Variants in FHIT observed in about 807,000 individuals in gnomAD.
The protein encoded by FHIT is bis(5'-adenosyl)-triphosphatase.
Under a neutral mutation model 17.9 loss-of-function variants are expected in FHIT, and 19 were observed. The ratio of observed to expected loss-of-function variants is 1.06; its 90% confidence interval spans 0.74 to 1.56. The LOEUF is 1.56. Among genes scored for constraint, FHIT ranks in the 40% most tolerant of loss-of-function variants. The pLI, the probability that FHIT is intolerant of heterozygous loss-of-function variation, is 0.00. For synonymous variants in FHIT, 81 were observed against 69.7 expected (o/e 1.16, Z -0.81); for missense variants, 248 against 189.2 (o/e 1.31, Z -1.82).
intron 4 of FHIT, among the ~76,000 whole-genome samples, chr3:60,571,378 G>A (rs1389985623): frequency 2.4e-5 from 3 of 123,716 alleles, no homozygotes; most frequent in Non-Finnish European, 3.4e-5. Flanking sequence ...AATGAATGAC[G>A]TATTACCAAC....
chr3:60,121,711 C>CAA (rs71909078), intron 5 of FHIT, among the ~76,000 whole-genome samples: 5 of 71,598 alleles, frequency 7.0e-5, no homozygotes, highest in East Asian at 1.0e-3. Context: ...ACAAAACAAA[C>CAA]ACACACACAC....
chr3:60,374,918 T>A lies in FHIT; in HGVS notation c.103+161942A>T, dbSNP rs146752463. Among the ~76,000 whole-genome samples the A allele has an allele frequency of 2.7e-3, 403 of 152,034 alleles. 9 individuals are homozygous for A. In the South Asian group the frequency reaches 0.044, roughly 17 times the overall value. ...AGTTAACAGGATATTACAAAATAAA[T>A]TAAGAATAAGAAACAGGCCAAGTTA... On this transcript the variant is annotated intron_variant, in intron 5 of 9. Coordinates refer to ENST00000492590, the MANE Select transcript of FHIT (RefSeq NM_002012.4).
At chr3:60,549,233 T>G (rs764038408) in intron 4 of FHIT, among the ~76,000 whole-genome samples, 2 of 152,198 alleles carry the variant, frequency 1.3e-5, no homozygotes, top group Non-Finnish European at 2.9e-5. Context: ...AATCATGTAT[T>G]TGACACCATA....
intron 2 of FHIT, among the ~76,000 whole-genome samples, chr3:61,069,133 G>T (rs1004595939): frequency 6.6e-6 from 1 of 151,996 alleles, no homozygotes; most frequent in African/African-American, 2.4e-5. Context: ...TTTAAAATAC[G>T]AATGTCTGCT....
intron 3 of FHIT, among the ~76,000 whole-genome samples, chr3:60,834,781 C>T (rs1197323289): frequency 3.3e-5 from 5 of 151,100 alleles, no homozygotes; most frequent in African/African-American, 1.2e-4. Flanking sequence ...AGGAGAATTG[C>T]TTGAACCTGG....
chr3:59,996,432 C>T (rs1298317603), intron 7 of FHIT, among the ~76,000 whole-genome samples: 2 of 151,958 alleles, frequency 1.3e-5, no homozygotes, highest in African/African-American at 2.4e-5. Flanking sequence ...TCTAGCAGTC[C>T]ATGGGTAAGC....
At chr3:59,886,306 A>C (rs1703620668) in intron 8 of FHIT, 1 of 152,282 alleles carries the variant, frequency 6.6e-6, no homozygotes, top group Admixed American at 6.5e-5. Context: ...AGAGGAAAGA[A>C]CAAACTTCAC....
chr3:60,959,196 T>C (rs1207356235), intron 3 of FHIT, among the ~76,000 whole-genome samples: 1 of 152,204 alleles, frequency 6.6e-6, no homozygotes, highest in Non-Finnish European at 1.5e-5. Flanking sequence ...CAGACCTAGG[T>C]TGAAATTCTG....
At chr3:60,703,529 T>C (rs2041297332) in intron 4 of FHIT, among the ~76,000 whole-genome samples, 1 of 152,242 alleles carries the variant, frequency 6.6e-6, no homozygotes, top group Non-Finnish European at 1.5e-5. Context: ...CATTTTATCA[T>C]GTTTTCATAA....
At chr3:60,520,925 T>C (rs764033902) in intron 5 of FHIT, among the ~76,000 whole-genome samples, 1 of 152,056 alleles carries the variant, frequency 6.6e-6, no homozygotes, top group Non-Finnish European at 1.5e-5. Flanking sequence ...TGAGTTTGTT[T>C]GGTTGGGTTT....
At chr3:59,926,369 T>C (rs951583762) in intron 7 of FHIT, among the ~76,000 whole-genome samples, 2 of 152,346 alleles carry the variant, frequency 1.3e-5, no homozygotes, top group Non-Finnish European at 2.9e-5. Flanking sequence ...GATACGGTAA[T>C]GGACAAGACA....
intron 3 of FHIT, among the ~76,000 whole-genome samples, chr3:61,039,078 A>G (rs1329051165): frequency 3.3e-5 from 5 of 152,194 alleles, no homozygotes; most frequent in Admixed American, 6.5e-5. Flanking sequence ...TTAAAAATAT[A>G]TATATATAAA....
chr3:60,628,169 A>G (rs1362626866), intron 4 of FHIT, among the ~76,000 whole-genome samples: 3 of 152,144 alleles, frequency 2.0e-5, no homozygotes, highest in Non-Finnish European at 4.4e-5. Context: ...ATGACATAAA[A>G]TTGTTTCTCA....
chr3:60,603,377 T>C (rs1327165942), intron 4 of FHIT, among the ~76,000 whole-genome samples: 1 of 152,216 alleles, frequency 6.6e-6, no homozygotes, highest in African/African-American at 2.4e-5. Context: ...AGATATATTA[T>C]GATCTCTGAA....
At chr3:60,282,213 G>C (rs2107649694) in intron 5 of FHIT, among the ~76,000 whole-genome samples, 1 of 152,258 alleles carries the variant, frequency 6.6e-6, no homozygotes, top group Middle Eastern at 3.4e-3. Flanking sequence ...GCTTAGGGAA[G>C]CTTATAGAAA....
chr3:60,710,656 A>C (rs2041501981), intron 4 of FHIT, among the ~76,000 whole-genome samples: 1 of 152,172 alleles, frequency 6.6e-6, no homozygotes, highest in Admixed American at 6.5e-5. Flanking sequence ...ACACCCACGG[A>C]GTCTCACTGA....
chr3:61,090,147 G>T, intron 2 of FHIT, among the ~76,000 whole-genome samples: 1 of 152,198 alleles, frequency 6.6e-6, no homozygotes, highest in East Asian at 1.9e-4. Context: ...CCAAAATAGT[G>T]AATGATAGTT....
intron 5 of FHIT, among the ~76,000 whole-genome samples, chr3:60,406,480 G>A (rs972275349): frequency 2.0e-5 from 3 of 152,166 alleles, no homozygotes; most frequent in Non-Finnish European, 4.4e-5. Context: ...GCTATATGCA[G>A]GAAAGCGAAA....
At chr3:61,138,157 G>T (rs1472552756) in intron 2 of FHIT, among the ~76,000 whole-genome samples, 3 of 152,162 alleles carry the variant, frequency 2.0e-5, no homozygotes, top group Non-Finnish European at 2.9e-5. Flanking sequence ...GCTTCCCACT[G>T]CTCCCAAGTT....
Sources: gnomAD v4.1 joint callset for allele counts (sites outside exome capture counted in the v4.1 genomes callset) on GRCh38, gnomAD v4.1.1 for gene constraint, MANE v1.5 for transcripts, NCBI Gene and HGNC (gene_info 2026-07-23, HGNC 2026-07-21) for gene names.